Variants in UFD1 observed in about 807,000 individuals in gnomAD.
The protein encoded by UFD1 is ubiquitin recognition factor in ER-associated degradation protein 1.
UFD1 carries 13 observed loss-of-function variants against 45.9 expected under a neutral mutation model. That is an observed-to-expected ratio of 0.28 (90% CI 0.18 to 0.45). The LOEUF is 0.45. UFD1 is among the 20% of genes least tolerant of loss of function. UFD1 has a pLI of 1.00. For synonymous variants in UFD1, 128 were observed against 139.2 expected, an observed-to-expected ratio of 0.92 and a Z score of 0.56; for missense variants, 218 against 389.2, an observed-to-expected ratio of 0.56 and a Z score of 3.70.
intron 5 of UFD1, chr22:19,466,353 G>A (rs751535510): frequency 3.3e-5 from 5 of 152,240 alleles, no homozygotes; most frequent in African/African-American, 4.8e-5. Flanking sequence ...TGGCCTCTGC[G>A]TACTCTGGCA....
chr22:19,471,446 A>G, intron 4 of UFD1: 1 of 743,818 alleles, frequency 1.3e-6, no homozygotes, highest in Non-Finnish European at 2.5e-6. Flanking sequence ...CAGCTGCGCA[A>G]CTATCAAAGA....
chr22:19,469,347 G>A (rs1027293013), intron 4 of UFD1, among the ~76,000 whole-genome samples: 1 of 152,152 alleles, frequency 6.6e-6, no homozygotes, highest in South Asian at 2.1e-4. Flanking sequence ...GGCCAGGGAT[G>A]GGGGGTGGCT....
chr22:19,476,110 CAT>C (rs552976943), intron 1 of UFD1, among the ~76,000 whole-genome samples: 149 of 152,268 alleles, frequency 9.8e-4, no homozygotes, highest in African/African-American at 1.9e-3. Context: ...GACACACACA[CAT>C]GTGTGTCTGG....
rs562162024 is a variant in UFD1 at position 19,456,743 on chromosome 22, G to A, written c.631-109C>T. On this transcript the variant is annotated intron_variant, in intron 8 of 11. Transcript: ENST00000263202. ...CCCCGGAAGCATGGCTGGAAGGGAC[G>A]CAGAGGATATGACTACACCAACACT... 227 of 1,612,682 alleles carry A rather than the reference G, an allele frequency of 1.4e-4. 3 individuals are homozygous for A. The South Asian group carries it at 2.2e-3, about 16-fold the overall frequency.
intron 11 of UFD1, chr22:19,451,320 C>A: frequency 1.0e-6 from 1 of 985,506 alleles, no homozygotes; most frequent in Non-Finnish European, 1.2e-6. Context: ...GGCCAGTTTT[C>A]TACCAGTGGA....
At chr22:19,470,990 T>C (rs923082441) in intron 4 of UFD1, among the ~76,000 whole-genome samples, 4 of 152,278 alleles carry the variant, frequency 2.6e-5, no homozygotes, top group East Asian at 1.9e-4. Flanking sequence ...ACTTCCCTAA[T>C]GTGCCAGAGC....
At chr22:19,463,243 C>T (rs1481229329) in intron 6 of UFD1, among the ~76,000 whole-genome samples, 2 of 152,210 alleles carry the variant, frequency 1.3e-5, no homozygotes, top group African/African-American at 4.8e-5. Flanking sequence ...ACATCTCAAG[C>T]TCTCATATGT....
intron 6 of UFD1, among the ~76,000 whole-genome samples, chr22:19,463,499 C>G (rs913555381): frequency 2.6e-5 from 4 of 152,132 alleles, no homozygotes; most frequent in African/African-American, 9.7e-5. Flanking sequence ...TTTATTGTCT[C>G]TGCTTTGGTG....
In UFD1 at chr22:19,455,783, G is replaced by C. The variant is rs747551330; in HGVS notation, c.679-15C>G. 6.2e-7 allele frequency: 1 copy of C among 1,612,920 alleles called. No individual in the cohort carries two copies. The highest frequency in any genetic ancestry group is 1.3e-5 in the African/African-American group (1 of 74,878). On this transcript the variant is annotated splice_polypyrimidine_tract_variant and intron_variant, in intron 9 of 11. Transcript: ENST00000263202. ...CCAGAGAAAGCCTAGACAGGAAGTAGGTGAGTCATATAATAAGCCCAAGTG... is the reference window on the plus strand; with the variant it reads ...CCAGAGAAAGCCTAGACAGGAAGTACGTGAGTCATATAATAAGCCCAAGTG...
intron 3 of UFD1, 118 bp from the exon 4 acceptor site, chr22:19,471,926 GC>G: frequency 1.4e-6 from 2 of 1,393,060 alleles, no homozygotes; most frequent in Non-Finnish European, 1.9e-6. Context: ...CACTCCTCTG[GC>G]AGATGAATCC....
intron 1 of UFD1, 192 bp downstream of exon 1, chr22:19,478,891 C>T: frequency 1.5e-6 from 1 of 668,076 alleles, no homozygotes; most frequent in Admixed American, 3.7e-5. Context: ...TCAGGACCGG[C>T]GGACGCGACC....
At chr22:19,474,880 G>T in intron 3 of UFD1, among the ~76,000 whole-genome samples, 188 bp downstream of exon 3, 1 of 152,144 alleles carries the variant, frequency 6.6e-6, no homozygotes, top group East Asian at 1.9e-4. Context: ...GAGGTTCAGG[G>T]GGCCCTGGCC....
At chr22:19,470,602 C>T (rs988636407) in intron 4 of UFD1, 10 of 387,212 alleles carry the variant, frequency 2.6e-5, no homozygotes, top group Admixed American at 8.9e-5. Flanking sequence ...CCACCACACC[C>T]GGCTAGTCTT....
At chr22:19,478,750 C>T (rs957683659) in intron 1 of UFD1, 2 of 411,054 alleles carry the variant, frequency 4.9e-6, no homozygotes, top group Non-Finnish European at 8.7e-6. Flanking sequence ...TCCCCAGCAA[C>T]CTTGCAACTA....
intron 6 of UFD1, among the ~76,000 whole-genome samples, chr22:19,458,910 A>T (rs2089744035): frequency 6.6e-6 from 1 of 152,250 alleles, no homozygotes; most frequent in African/African-American, 2.4e-5. Flanking sequence ...AACCTACCAA[A>T]CATCATAGTG....
At chr22:19,455,054 A>G (rs760116554) in intron 10 of UFD1, among the ~76,000 whole-genome samples, 2 of 151,802 alleles carry the variant, frequency 1.3e-5, no homozygotes, top group African/African-American at 4.9e-5. Context: ...GTACCTGTCT[A>G]TGGAGAGGGG....
At chr22:19,461,973 T>C (rs1038664319) in intron 6 of UFD1, among the ~76,000 whole-genome samples, 1 of 152,244 alleles carries the variant, frequency 6.6e-6, no homozygotes, top group Non-Finnish European at 1.5e-5. Context: ...TTTTTAAACA[T>C]TCAATATGCA....
intron 5 of UFD1, 31 bp from the exon 6 acceptor site, chr22:19,465,305 C>T (rs760240046): frequency 2.5e-6 from 4 of 1,588,898 alleles, no homozygotes; most frequent in South Asian, 2.2e-5. Context: ...GGCAACATGG[C>T]AAGATGGATA....
intron 6 of UFD1, among the ~76,000 whole-genome samples, chr22:19,464,607 G>C (rs1370712077): frequency 6.6e-6 from 1 of 152,248 alleles, no homozygotes; most frequent in Non-Finnish European, 1.5e-5. Context: ...GAAAACAGAG[G>C]CATTCAGACC....
Sources: gnomAD v4.1 joint callset for allele counts (sites outside exome capture counted in the v4.1 genomes callset) on GRCh38, gnomAD v4.1.1 for gene constraint, MANE v1.5 for transcripts, NCBI Gene and HGNC (gene_info 2026-07-23, HGNC 2026-07-21) for gene names.